Variants in DMBT1 observed in about 807,000 individuals in gnomAD.
DMBT1 encodes the protein scavenger receptor cysteine-rich domain-containing protein DMBT1.
Under a neutral mutation model 252.9 loss-of-function variants are expected in DMBT1, and 198 were observed. The ratio of observed to expected loss-of-function variants is 0.78; its 90% CI spans 0.70 to 0.88. The LOEUF (loss-of-function observed/expected upper bound fraction) is 0.88. Ranked by LOEUF, DMBT1 falls within the 40% of genes least tolerant of loss-of-function variation. DMBT1 has a pLI of 0.00. For missense variants in DMBT1, 2,432 were observed against 2,404.7 expected (o/e 1.01, Z -0.24); for synonymous variants, 990 against 942.7 (o/e 1.05, Z -0.92).
intron 1 of DMBT1, among the ~76,000 whole-genome samples, chr10:122,561,108 G>T (rs931051464): frequency 6.6e-6 from 1 of 152,152 alleles, no homozygotes; most frequent in Non-Finnish European, 1.5e-5. Context: ...ATTTGTCTTA[G>T]AAAAATCCCT....
chr10:122,569,271 C>T (rs529545185), intron 2 of DMBT1, among the ~76,000 whole-genome samples: 8 of 152,220 alleles, frequency 5.3e-5, no homozygotes, highest in Admixed American at 2.6e-4. Context: ...TAAAAGCTGA[C>T]GAGGATGGAG....
rs777999785 is a variant in DMBT1, at chr10:122,631,113, C to CGTG, written c.6179_6181dup (p.Arg2060_Ala2061insGly). On this transcript the variant is annotated inframe_insertion, in exon 49 of 56. Coordinates refer to ENST00000338354, the MANE Select transcript of DMBT1 (RefSeq NM_001377530.1). ...GGTCTGCAGACAGCTAGGGTGTGGA[C>CGTG]GTGCAGTTTCAGCCCTTGGAAATGC... is the stretch of plus-strand genomic sequence containing the variant. The CGTG allele has an allele frequency of 8.7e-6, 14 of 1,613,848 alleles. No individual in the cohort carries two copies. The South Asian group carries it at 1.4e-4, about 16-fold the overall frequency.
chr10:122,617,212 T>C lies in DMBT1; in HGVS notation c.4859-16T>C, dbSNP rs770596921. The C allele has an allele frequency of 6.2e-7, 1 of 1,608,474 alleles. No individual in the cohort carries two copies. Among genetic ancestry groups the C allele is most frequent in the Non-Finnish European group, 8.5e-7 (1 of 1,178,120 alleles). On this transcript the variant is annotated splice_polypyrimidine_tract_variant and intron_variant, in intron 39 of 55. Coordinates refer to ENST00000338354, the MANE Select transcript of DMBT1 (RefSeq NM_001377530.1). ...TCAAGTCTAATTCTGTCTTTTTTCT[T>C]TGTTGCTATTTACAGACACTTGGCC...
At chr10:122,638,448 A>C (rs890619759) in intron 54 of DMBT1, among the ~76,000 whole-genome samples, 1 of 152,052 alleles carries the variant, frequency 6.6e-6, no homozygotes, top group African/African-American at 2.4e-5. Context: ...TTTTATTTTA[A>C]TTTTTTAATG....
rs2097857142 is a variant in DMBT1, at chr10:122,592,474, A to T, written c.2379A>T (p.Gly793=). Residue 793 remains glycine, a synonymous_variant, in exon 20 of 56, where the codon GGA becomes GGT. Coordinates refer to ENST00000338354, the MANE Select transcript of DMBT1 (RefSeq NM_001377530.1). ...ATGCCCGGTTTGGCCAGGGCTCAGG[A>T]CCCATTGTTCTGGATGATGTGCGCT... ...PGNARFGQGS[G]PIVLDDVRCS... The T allele has an allele frequency of 1.9e-6, 3 of 1,587,744 alleles. No individual in the cohort carries two copies. Among genetic ancestry groups the T allele is most frequent in the African/African-American group, 1.3e-5 (1 of 74,402 alleles).
rs747800707 is a variant in DMBT1, at chr10:122,631,192, G to A, written c.6257G>A (p.Gly2086Glu). 4.3e-6 allele frequency: 7 copies of A among 1,613,860 alleles called. No individual in the cohort carries two copies. Among genetic ancestry groups the A allele is most frequent in the Non-Finnish European group, 5.9e-6 (7 of 1,179,908 alleles). The change falls in exon 49 of 56, where the codon GGG (glycine) becomes GAG (glutamate). Residue 2086 changes from glycine to glutamate, a missense_variant. By Grantham distance (98) the Gly-to-Glu change is moderately conservative. This residue lies in a region of DMBT1 where 1,162 missense variants were observed against 1,169.0 expected (regional missense o/e 0.99). Transcript: ENST00000338354. ...PITLDDVECSGTESTLWQCRN... is the reference protein window; with the variant it reads ...PITLDDVECSETESTLWQCRN... ...ACCCTGGACGATGTAGAGTGCTCAG[G>A]GACGGAATCCACTCTCTGGCAGTGC...
At chr10:122,563,228 C>A (rs1337405777) in intron 1 of DMBT1, among the ~76,000 whole-genome samples, 1 of 152,210 alleles carries the variant, frequency 6.6e-6, no homozygotes, top group African/African-American at 2.4e-5. Context: ...TGCCACTTGC[C>A]TGCTGTGGAT....
intron 1 of DMBT1, among the ~76,000 whole-genome samples, chr10:122,562,759 G>A (rs2097559623): frequency 6.6e-6 from 1 of 152,246 alleles, no homozygotes; most frequent in East Asian, 1.9e-4. Context: ...ATGCATGCCT[G>A]TGTTTGCCAT....
At chr10:122,575,078 A>T (rs1341743005) in intron 6 of DMBT1, among the ~76,000 whole-genome samples, 1 of 152,134 alleles carries the variant, frequency 6.6e-6, no homozygotes, top group Non-Finnish European at 1.5e-5. Flanking sequence ...CAATTCAAAA[A>T]CGGAGATTCC....
Position 122,580,855 on chromosome 10 carries a change from C to G in DMBT1, c.1004-11C>G, listed in dbSNP as rs778476550. 14 of 1,613,920 alleles carry G rather than the reference C, an allele frequency of 8.7e-6. No individual in the cohort carries two copies. The highest frequency in any genetic ancestry group is 1.7e-5 in the Admixed American group (1 of 60,008). On this transcript the variant is annotated splice_polypyrimidine_tract_variant and intron_variant, in intron 10 of 55. Coordinates refer to ENST00000338354, the MANE Select transcript of DMBT1 (RefSeq NM_001377530.1). ...TGTTCCTGATCTGACCTTCTCTTCTCTTTCTCACAGCTCCCCAGTCCCGGC... is the reference window on the plus strand; with the variant it reads ...TGTTCCTGATCTGACCTTCTCTTCTGTTTCTCACAGCTCCCCAGTCCCGGC...
intron 25 of DMBT1, among the ~76,000 whole-genome samples, 178 bp downstream of exon 25, chr10:122,598,190 G>A (rs904271055): frequency 7.9e-5 from 12 of 152,106 alleles, no homozygotes; most frequent in Admixed American, 6.5e-4. Context: ...GTTGGAGGCT[G>A]GAGGGTGCTG....
intron 40 of DMBT1, 42 bp downstream of exon 40, chr10:122,617,302 G>A: frequency 1.3e-6 from 2 of 1,595,656 alleles, no homozygotes; most frequent in Non-Finnish European, 1.7e-6. Context: ...CACTATCTCT[G>A]GACATATTTT....
intron 10 of DMBT1, 112 bp downstream of exon 10, chr10:122,580,013 T>C (rs1246665284): frequency 6.5e-7 from 1 of 1,547,198 alleles, no homozygotes; most frequent in South Asian, 1.3e-5. Context: ...TCTATGTTTC[T>C]GAAGACTTGT....
intron 46 of DMBT1, among the ~76,000 whole-genome samples, chr10:122,628,687 A>T (rs910477594): frequency 6.6e-6 from 1 of 152,336 alleles, no homozygotes; most frequent in East Asian, 1.9e-4. Flanking sequence ...ATGCTACAAC[A>T]TGATGAACTT....
rs374198269 is a variant in DMBT1, at chr10:122,580,803, G to C, written c.1004-63G>C. ...GACTCGCTCATTTCTTTCCCTCCTC[G>C]TTCCAGTTTTGCCGACTTCTGTGTA... On this transcript the variant is annotated intron_variant, in intron 10 of 55. Coordinates refer to ENST00000338354, the MANE Select transcript of DMBT1 (RefSeq NM_001377530.1). The C allele has an allele frequency of 7.5e-5, 120 of 1,596,978 alleles. 1 individual carries two copies. The Middle Eastern group carries it at 1.5e-3, about 20-fold the overall frequency.
At chr10:122,599,610 A>G (rs972145625) in intron 26 of DMBT1, among the ~76,000 whole-genome samples, 4 of 152,092 alleles carry the variant, frequency 2.6e-5, no homozygotes, top group Non-Finnish European at 5.9e-5. Flanking sequence ...GGAGTCCTTG[A>G]CCTCAGGTCC....
chr10:122,580,582 A>G (rs1318580328), intron 10 of DMBT1, among the ~76,000 whole-genome samples: 1 of 152,162 alleles, frequency 6.6e-6, no homozygotes, highest in Non-Finnish European at 1.5e-5. Context: ...TTGCTGACTC[A>G]GGAACACCTA....
At chr10:122,576,274 G>A in intron 6 of DMBT1, 125 bp from the exon 7 acceptor site, 10 of 1,394,180 alleles carry the variant, frequency 7.2e-6, no homozygotes, top group African/African-American at 1.4e-5. Flanking sequence ...GCCTGTTAAA[G>A]CCCAGCCCAA....
rs991865661 is a variant in DMBT1, at chr10:122,619,233, C to A, written c.5216-75C>A. On this transcript the variant is annotated intron_variant, in intron 41 of 55. Coordinates refer to ENST00000338354, the MANE Select transcript of DMBT1 (RefSeq NM_001377530.1). ...GACTGAGTGTCAGGCTTGCCCAGTT[C>A]CTTCTATCTTTGTTCCAGTTTTGCC... 200 of 1,589,854 alleles carry A rather than the reference C, an allele frequency of 1.3e-4. 2 individuals are homozygous for A. The Admixed American group carries it at 3.3e-3, about 26-fold the overall frequency.
Sources: allele counts gnomAD v4.1 joint callset (sites outside exome capture counted in the v4.1 genomes callset), GRCh38; gene constraint gnomAD v4.1.1; regional missense constraint gnomAD v4.1.1; transcripts MANE v1.5; gene names NCBI Gene and HGNC (gene_info 2026-07-23, HGNC 2026-07-21).